The following NFATC2 variants were observed in gnomAD, a reference collection of about 807,000 sequenced individuals.
The protein encoded by NFATC2 is nuclear factor of activated T-cells, cytoplasmic 2.
NFATC2 carries 22 observed loss-of-function variants against 87.3 expected under a neutral mutation model. The observed-to-expected ratio is 0.25, with a 90% confidence interval of 0.18 to 0.36. NFATC2 has a LOEUF of 0.36. Among genes scored for constraint, NFATC2 ranks in the 10% least tolerant of loss-of-function variants. The pLI is 1.00. For missense variants in NFATC2, 1,149 were observed against 1,259.1 expected (o/e 0.91, Z 1.32); for synonymous variants, 565 against 542.2 (o/e 1.04, Z -0.58).
At chr20:51,538,077 G>A (rs909448852) in intron 1 of NFATC2, among the ~76,000 whole-genome samples, 2 of 152,198 alleles carry the variant, frequency 1.3e-5, no homozygotes, top group African/African-American at 2.4e-5. Flanking sequence ...AGACCAGGGA[G>A]TCCCAGGGAG....
intron 6 of NFATC2, among the ~76,000 whole-genome samples, chr20:51,437,112 CAAAAA>C (rs3029278): frequency 1.4e-4 from 18 of 130,726 alleles, no homozygotes; most frequent in South Asian, 2.4e-4. Flanking sequence ...GAAGTTGGGC[CAAAAA>C]AAAAAAAAAA....
chr20:51,398,179 CAGGAT>C (rs1444230871), intron 10 of NFATC2, among the ~76,000 whole-genome samples: 10 of 150,900 alleles, frequency 6.6e-5, no homozygotes, highest in Non-Finnish European at 1.3e-4. Flanking sequence ...TGGAGGGAAT[CAGGAT>C]TGGAAATGAC....
rs556424172 is a variant in NFATC2, at chr20:51,389,131, CAG to C, written c.*2363_*2364del. On this transcript the variant is annotated 3_prime_UTR_variant, in exon 11 of 11. Transcript: ENST00000371564. The stretch of plus-strand genomic sequence containing the variant: ...ATCCAGCTAAGATGTCTTAGAAAAA[CAG>C]AGGGGTTTATTTGTGTGTGTATTAC... The C allele has an allele frequency of 3.9e-5, 6 of 152,192 alleles. No homozygotes were observed. In the South Asian group the frequency reaches 1.2e-3, roughly 32 times the overall value. 9.4% of individuals were successfully genotyped at this position (152,192 alleles called of 1,614,324 possible).
chr20:51,510,066 G>A (rs1199541071), intron 3 of NFATC2, among the ~76,000 whole-genome samples: 2 of 152,230 alleles, frequency 1.3e-5, no homozygotes, highest in Non-Finnish European at 2.9e-5. Flanking sequence ...CTCTTTGGAG[G>A]TGAGTGCGAC....
intron 4 of NFATC2, 144 bp from the exon 5 acceptor site, chr20:51,474,296 G>T: frequency 2.1e-6 from 2 of 941,332 alleles, no homozygotes; most frequent in Non-Finnish European, 3.1e-6. Flanking sequence ...TGTATACCAA[G>T]ATGGGGGTAA....
chr20:51,427,513 C>T lies in NFATC2; in HGVS notation c.2722+4554G>A, dbSNP rs139240935. ...ACCGCCTTCCATCATGCTCCTGTCA[C>T]GGGATTCGTTTTCAATTCACACATC... On this transcript the variant is annotated intron_variant, in intron 9 of 10. Transcript: ENST00000371564. Among the ~76,000 whole-genome samples, 959 of 152,322 alleles carry T rather than the reference C, an allele frequency of 6.3e-3. 5 individuals carry two copies. The highest frequency in any genetic ancestry group is 0.012 in the Admixed American group (186 of 15,308).
At chr20:51,412,687 G>T (rs569184966) in intron 9 of NFATC2, among the ~76,000 whole-genome samples, 1 of 152,146 alleles carries the variant, frequency 6.6e-6, no homozygotes, top group South Asian at 2.1e-4. Context: ...ATTCCTGGGC[G>T]TCCCCGGCCA....
intron 6 of NFATC2, among the ~76,000 whole-genome samples, chr20:51,440,906 G>A (rs1331755621): frequency 2.0e-5 from 3 of 152,254 alleles, no homozygotes; most frequent in Non-Finnish European, 4.4e-5. Context: ...ATCCACGGGT[G>A]CACAAGTCCT....
chr20:51,437,197 C>G (rs1016995604), intron 6 of NFATC2, among the ~76,000 whole-genome samples: 2 of 151,610 alleles, frequency 1.3e-5, no homozygotes, highest in Non-Finnish European at 2.9e-5. Flanking sequence ...TAGTTTTCAG[C>G]TGAAACAAAT....
At chr20:51,479,140 TGTTAAAC>T in intron 3 of NFATC2, among the ~76,000 whole-genome samples, 1 of 152,322 alleles carries the variant, frequency 6.6e-6, no homozygotes, top group South Asian at 2.1e-4. Context: ...GAAAACTGGA[TGTTAAAC>T]GTTTACTAGC....
At chr20:51,451,250 G>A (rs776554882) in intron 6 of NFATC2, among the ~76,000 whole-genome samples, 2 of 152,208 alleles carry the variant, frequency 1.3e-5, no homozygotes, top group Non-Finnish European at 2.9e-5. Context: ...CTGAACTGCT[G>A]AGACGCAGAG....
At chr20:51,437,807 G>A (rs1032355862) in intron 6 of NFATC2, among the ~76,000 whole-genome samples, 1 of 152,116 alleles carries the variant, frequency 6.6e-6, no homozygotes, top group African/African-American at 2.4e-5. Flanking sequence ...CCTGCTGAAG[G>A]GACCAAGTCA....
intron 9 of NFATC2, among the ~76,000 whole-genome samples, chr20:51,423,270 A>AC (rs1189630225): frequency 1.4e-5 from 2 of 138,840 alleles, no homozygotes; most frequent in African/African-American, 5.5e-5. Context: ...AGCCTGGGTG[A>AC]CAGAGTGAGA....
chr20:51,544,266 T>C (rs913374536), upstream of NFATC2, among the ~76,000 whole-genome samples: 2 of 151,930 alleles, frequency 1.3e-5, no homozygotes, highest in African/African-American at 2.4e-5. Context: ...GGATTACAGG[T>C]GTGAGCCACC....
intron 5 of NFATC2, among the ~76,000 whole-genome samples, chr20:51,456,600 T>A (rs1300941748): frequency 6.6e-6 from 1 of 152,130 alleles, no homozygotes; most frequent in African/African-American, 2.4e-5. Context: ...CTCAGGCCTC[T>A]CTCCTTCCAG....
intron 9 of NFATC2, among the ~76,000 whole-genome samples, chr20:51,404,612 G>C (rs1252600634): frequency 3.9e-5 from 6 of 152,238 alleles, no homozygotes; most frequent in Non-Finnish European, 8.8e-5. Context: ...CTCACACAGA[G>C]GATGCTTGTT....
chr20:51,529,083 C>A (rs1313122743), intron 1 of NFATC2, among the ~76,000 whole-genome samples: 4 of 152,148 alleles, frequency 2.6e-5, no homozygotes, highest in Admixed American at 6.5e-5. Context: ...AATGTCAAAC[C>A]CATGGCCGAC....
chr20:51,447,640 C>T (rs1280518142), intron 6 of NFATC2, among the ~76,000 whole-genome samples: 2 of 152,232 alleles, frequency 1.3e-5, no homozygotes, highest in Non-Finnish European at 2.9e-5. Flanking sequence ...GGACCCCCGA[C>T]TCCGCCTGAG....
chr20:51,557,937 G>A (rs2076992004), intron 1 of NFATC2, among the ~76,000 whole-genome samples: 1 of 152,196 alleles, frequency 6.6e-6, no homozygotes, highest in Admixed American at 6.5e-5. Context: ...AGTGTGATAA[G>A]TACCAGGATG....
Sources: allele counts gnomAD v4.1 joint callset (sites outside exome capture counted in the v4.1 genomes callset), GRCh38; gene constraint gnomAD v4.1.1; transcripts MANE v1.5; gene names NCBI Gene and HGNC (gene_info 2026-07-23, HGNC 2026-07-21).